NOP53: variants seen among roughly 807,000 people sequenced by gnomAD.
NOP53 encodes ribosome biogenesis protein NOP53.
In NOP53, 40 loss-of-function variants were observed where a neutral mutation model predicts 61.0. The observed-to-expected ratio is 0.66, with a 90% CI of 0.51 to 0.85. The LOEUF is 0.85. Among genes scored for constraint, NOP53 ranks in the 40% least tolerant of loss-of-function variants. NOP53 has a pLI of 0.00. For missense variants in NOP53, 689 were observed against 652.9 expected, an observed-to-expected ratio of 1.06 and a Z score of -0.60; for synonymous variants, 308 against 289.5, an observed-to-expected ratio of 1.06 and a Z score of -0.65.
intron 2 of NOP53, among the ~76,000 whole-genome samples, chr19:47,747,590 C>T (rs139102601): frequency 0.027 from 4,014 of 150,764 alleles, 115 homozygotes; most frequent in African/African-American, 0.068. Flanking sequence ...TGCAGTGAGC[C>T]GAGATCGCGC....
At chr19:47,747,775 CTCTCTT>C (rs1967081452) in intron 2 of NOP53, among the ~76,000 whole-genome samples, 1 of 129,498 alleles carries the variant, frequency 7.7e-6, no homozygotes, top group Non-Finnish European at 1.6e-5. Context: ...TCTTTTCTCT[CTCTCTT>C]TTTTTTTTTT....
chr19:47,747,715 C>T (rs934755460), intron 2 of NOP53, among the ~76,000 whole-genome samples: 1 of 151,728 alleles, frequency 6.6e-6, no homozygotes. Context: ...CCTCAGCCTC[C>T]CAAGTAGCTG....
At chr19:47,749,567 A>T (rs1967100758) in intron 2 of NOP53, among the ~76,000 whole-genome samples, 1 of 152,130 alleles carries the variant, frequency 6.6e-6, no homozygotes, top group African/African-American at 2.4e-5. Context: ...GTTTTGCTGT[A>T]GAGTTACTGC....
At chr19:47,755,292 G>A in intron 8 of NOP53, 56 bp from the exon 9 acceptor site, 1 of 1,211,842 alleles carries the variant, frequency 8.3e-7, no homozygotes. Flanking sequence ...GTAGAGAGAA[G>A]GTCTCCCTGT....
At chr19:47,746,899 G>T in intron 1 of NOP53, 68 bp from the exon 2 acceptor site, 1 of 1,312,614 alleles carries the variant, frequency 7.6e-7, no homozygotes, top group South Asian at 1.2e-5. Context: ...ATGAAGGCTG[G>T]ACCTGCCAGG....
At chr19:47,751,423 G>T (rs1967123284) in intron 4 of NOP53, 97 bp from the exon 5 acceptor site, 2 of 935,728 alleles carry the variant, frequency 2.1e-6, no homozygotes, top group Non-Finnish European at 3.5e-6. Flanking sequence ...CTGAGCTTCA[G>T]GGTCACCTTT....
At chr19:47,751,412 C>A in intron 4 of NOP53, 108 bp from the exon 5 acceptor site, 2 of 843,604 alleles carry the variant, frequency 2.4e-6, no homozygotes, top group Non-Finnish European at 2.0e-6. Flanking sequence ...CCTTCCCTTG[C>A]CTGAGCTTCA....
rs1310155713 is a variant in NOP53, at chr19:47,750,796, AGG to A, written c.399-108_399-107del. 3 of 827,000 alleles carry A rather than the reference AGG, an allele frequency of 3.6e-6. No homozygotes were observed. The East Asian group carries it at 8.0e-5, about 22-fold the overall frequency. The allele number at this position is 827,000 out of a possible 1,614,324, so 51.2% of individuals were successfully genotyped here. On this transcript the variant is annotated intron_variant, in intron 3 of 12. Coordinates refer to ENST00000246802, the MANE Select transcript of NOP53 (RefSeq NM_015710.5). ...GGGGGCGGAGTGCCACCTTTTGGAGAGGGGGTGCTGAAGCTGCCTTAATGGTG... is the reference window on the plus strand; with the variant it reads ...GGGGGCGGAGTGCCACCTTTTGGAGAGGGTGCTGAAGCTGCCTTAATGGTG...
intron 6 of NOP53, 147 bp downstream of exon 6, chr19:47,752,754 C>A (rs1967140575): frequency 4.9e-6 from 3 of 613,152 alleles, no homozygotes; most frequent in Middle Eastern, 2.8e-4. Context: ...GTGCAAGAGA[C>A]CTGTTCCCAG....
At chr19:47,749,752 T>C (rs1247790647) in intron 2 of NOP53, among the ~76,000 whole-genome samples, 2 of 152,098 alleles carry the variant, frequency 1.3e-5, no homozygotes, top group Non-Finnish European at 2.9e-5. Context: ...TTCTTCCTTT[T>C]TTTTTTCCCC....
chr19:47,756,584 C>T lies in NOP53; in HGVS notation c.1353C>T (p.Ile451=), dbSNP rs138025379. 73 of 1,614,016 alleles carry T rather than the reference C, an allele frequency of 4.5e-5. No homozygotes were observed. The African/African-American group carries it at 7.1e-4, about 16-fold the overall frequency. Residue 451 remains isoleucine (I), a synonymous_variant, in exon 11 of 13, where the codon ATC becomes ATT. Transcript: ENST00000246802. The part of the protein sequence containing the change: ...RFKSFQRRNM[I]EPRERAKFKR... ...AGAGCTTCCAGAGGAGGAATATGAT[C>T]GAGCCTCGAGAGAGAGCCAAGTAAG...
chr19:47,748,866 A>AC (rs1967093227), intron 2 of NOP53, among the ~76,000 whole-genome samples: 1 of 152,042 alleles, frequency 6.6e-6, no homozygotes. Flanking sequence ...GCGACAGAGC[A>AC]AGACTCTGTC....
chr19:47,755,312 A>G, intron 8 of NOP53, 36 bp from the exon 9 acceptor site: 1 of 1,387,918 alleles, frequency 7.2e-7, no homozygotes, highest in Admixed American at 2.9e-5. Context: ...TGTGGGCAGC[A>G]CCGGCCTGAG....
At chr19:47,756,890 C>A in intron 12 of NOP53, 109 bp from the exon 13 acceptor site, 1 of 1,535,380 alleles carries the variant, frequency 6.5e-7, no homozygotes, top group Non-Finnish European at 9.0e-7. Context: ...GAAACCAGAG[C>A]GGGGTTGGGA....
chr19:47,756,040 C>G, intron 10 of NOP53: 1 of 584,254 alleles, frequency 1.7e-6, no homozygotes, highest in South Asian at 2.0e-5. Context: ...GCCTTTCCTT[C>G]CAGCTGGTCC....
Position 47,754,848 on chromosome 19 carries a change from AGACG to A in NOP53, c.1013_1016del (p.Thr338SerfsTer42), listed in dbSNP as rs1568600299. ...GCCCGCCTGGCCACCACAGAGAAGA[AGACG>A]GAGCAGCAGCGGCGGCGGGAGAAGG... is the stretch of plus-strand genomic sequence containing the variant. On this transcript the variant is annotated frameshift_variant, in exon 8 of 13. Coordinates refer to ENST00000246802, the MANE Select transcript of NOP53 (RefSeq NM_015710.5). LOFTEE classifies it high-confidence loss of function. The surrounding 1 kb of genome is among the most constrained non-coding windows in gnomAD (Gnocchi z 4.2). 1 of 1,540,540 alleles carries A rather than the reference AGACG, an allele frequency of 6.5e-7. No homozygotes were observed. Among genetic ancestry groups the A allele is most frequent in the Non-Finnish European group, 8.7e-7 (1 of 1,152,308 alleles).
chr19:47,756,680 T>C lies in NOP53; in HGVS notation c.1374-8T>C, dbSNP rs761828269. On this transcript the variant is annotated splice_region_variant and splice_polypyrimidine_tract_variant and intron_variant, in intron 11 of 12. Transcript: ENST00000246802. ...CGGGCACTGATTGCTCCATTGTCCC[T>C]GCTCCAGGTTCAAACGCAAGTACAA... 2 of 1,613,944 alleles carry C rather than the reference T, an allele frequency of 1.2e-6. No homozygotes were observed. The highest frequency in any genetic ancestry group is 1.7e-6 in the Non-Finnish European group (2 of 1,179,984).
intron 12 of NOP53, 42 bp from the exon 13 acceptor site, chr19:47,756,957 G>GCAC (rs1361105986): frequency 7.4e-6 from 12 of 1,613,358 alleles, no homozygotes; most frequent in Non-Finnish European, 1.0e-5. Flanking sequence ...GGGGTATGGG[G>GCAC]CACCCTCTCA....
chr19:47,755,949 A>T (rs530473873), intron 10 of NOP53, 127 bp downstream of exon 10: 1 of 694,436 alleles, frequency 1.4e-6, no homozygotes, highest in Non-Finnish European at 2.5e-6. Flanking sequence ...GCCAATGCCC[A>T]GGGGCTGAGG....
Sources: allele counts gnomAD v4.1 joint callset (sites outside exome capture counted in the v4.1 genomes callset), GRCh38; gene constraint gnomAD v4.1.1; non-coding constraint Gnocchi (gnomAD v3.1); transcripts MANE v1.5; gene names NCBI Gene and HGNC (gene_info 2026-07-23, HGNC 2026-07-21).